The following SRBD1 variants were observed in gnomAD, a reference collection of about 807,000 sequenced individuals.
SRBD1 encodes the protein S1 RNA-binding domain-containing protein 1.
In SRBD1, 88 loss-of-function variants were observed where a neutral mutation model predicts 115.3. That is an observed-to-expected ratio of 0.76 (90% CI 0.64 to 0.91). The LOEUF is 0.91. SRBD1 is among the 40% of genes least tolerant of loss of function. The pLI, the probability that SRBD1 is intolerant of heterozygous loss-of-function variation, is 0.00. For missense variants in SRBD1, 1,385 were observed against 1,177.4 expected, an observed-to-expected ratio of 1.18 and a Z score of -2.58; for synonymous variants, 509 against 407.7, an observed-to-expected ratio of 1.25 and a Z score of -2.99.
intron 20 of SRBD1, among the ~76,000 whole-genome samples, chr2:45,391,553 G>GA (rs1227337175): frequency 1.3e-5 from 2 of 152,136 alleles, no homozygotes; most frequent in Non-Finnish European, 1.5e-5. Context: ...GTAGTAAGAT[G>GA]AAAGTTCTCA....
intron 14 of SRBD1, among the ~76,000 whole-genome samples, chr2:45,490,810 C>A (rs2103861628): frequency 6.6e-6 from 1 of 152,174 alleles, no homozygotes; most frequent in African/African-American, 2.4e-5. Context: ...TTCTTTTAAA[C>A]AGAGGAATAC....
At chr2:45,421,015 T>A (rs926210575) in intron 16 of SRBD1, among the ~76,000 whole-genome samples, 2 of 152,164 alleles carry the variant, frequency 1.3e-5, no homozygotes, top group Non-Finnish European at 2.9e-5. Context: ...GTGACAAAAC[T>A]CCTTTTCTGA....
intron 16 of SRBD1, among the ~76,000 whole-genome samples, chr2:45,449,294 A>T (rs1422678850): frequency 6.6e-6 from 1 of 152,178 alleles, no homozygotes; most frequent in Non-Finnish European, 1.5e-5. Context: ...GAAACAGTTA[A>T]ATCAGTTTAC....
chr2:45,578,313 T>A (rs3770301), intron 7 of SRBD1, among the ~76,000 whole-genome samples: 24,360 of 152,222 alleles, frequency 0.16, 2,937 homozygotes, highest in African/African-American at 0.34. Context: ...TTAGCTATTA[T>A]TAAAATATTA....
chr2:45,419,778 T>C lies in SRBD1; in HGVS notation c.2156+10A>G. ...AGATTCTGTGATCTTCAGCCACATA[T>C]TTGTCTCACCTTAACAAAACTTCTG... On this transcript the variant is annotated intron_variant, in intron 17 of 20. Transcript: ENST00000263736. The C allele has an allele frequency of 6.2e-7, 1 of 1,612,150 alleles. No homozygotes were observed. Among genetic ancestry groups the C allele is most frequent in the Non-Finnish European group, 8.5e-7 (1 of 1,178,508 alleles).
chr2:45,565,864 G>A (rs1361285964), intron 9 of SRBD1, among the ~76,000 whole-genome samples: 1 of 152,176 alleles, frequency 6.6e-6, no homozygotes, highest in Non-Finnish European at 1.5e-5. Context: ...GACCTCAGGC[G>A]ATCCGCCTGC....
In SRBD1 at chr2:45,465,911, G is replaced by A. The variant is rs1572671308; in HGVS notation, c.2049+11082C>T. Among the ~76,000 whole-genome samples the A allele has an allele frequency of 3.3e-5, 5 of 152,170 alleles. No individual in the cohort carries two copies. The South Asian group carries it at 1.0e-3, about 32-fold the overall frequency. ...TCCCACTTCAACAAAAATTTGGAGA[G>A]GCTGCAAAATTTTATGGTGTGTTTA... is the stretch of plus-strand genomic sequence containing the variant. On this transcript the variant is annotated intron_variant, in intron 16 of 20. Coordinates refer to ENST00000263736, the MANE Select transcript of SRBD1 (RefSeq NM_018079.5).
At chr2:45,490,867 A>G (rs1670270847) in intron 14 of SRBD1, among the ~76,000 whole-genome samples, 1 of 152,206 alleles carries the variant, frequency 6.6e-6, no homozygotes, top group South Asian at 2.1e-4. Context: ...ATTAACATTA[A>G]TATTAAATCA....
intron 16 of SRBD1, among the ~76,000 whole-genome samples, chr2:45,473,307 T>C (rs781766033): frequency 5.3e-5 from 8 of 152,202 alleles, no homozygotes; most frequent in Non-Finnish European, 8.8e-5. Context: ...CTTTTTATCA[T>C]TTCTTTTTCT....
At position 45,429,307 on chromosome 2, in the gene SRBD1, T is replaced by A. The variant is rs139145433; in HGVS notation, c.2050-9413A>T. ...CCTAACTCATTTAATGAGGCCAGCA[T>A]CATCCTGATACCAAAACCTGGCAGA... On this transcript the variant is annotated intron_variant, in intron 16 of 20. Transcript: ENST00000263736. Among the ~76,000 whole-genome samples the A allele has an allele frequency of 4.8e-3, 724 of 152,176 alleles. 8 individuals are homozygous for A. Among genetic ancestry groups the A allele is most frequent in the African/African-American group, 0.017 (688 of 41,520 alleles).
intron 15 of SRBD1, among the ~76,000 whole-genome samples, chr2:45,477,966 C>CTT (rs61688104): frequency 0.64 from 94,847 of 148,002 alleles, 31,711 homozygotes; most frequent in Non-Finnish European, 0.76. Context: ...ATTTATTGTC[C>CTT]TTTTTTTTTT....
intron 14 of SRBD1, among the ~76,000 whole-genome samples, chr2:45,533,142 G>A (rs1438228754): frequency 6.6e-6 from 1 of 152,038 alleles, no homozygotes; most frequent in Non-Finnish European, 1.5e-5. Flanking sequence ...ATAGGCCAAA[G>A]AGTCAACAAT....
At chr2:45,456,391 C>G (rs545070192) in intron 16 of SRBD1, among the ~76,000 whole-genome samples, 49 of 151,966 alleles carry the variant, frequency 3.2e-4, no homozygotes, top group African/African-American at 1.1e-3. Context: ...AGTAAGTTAA[C>G]CCTTTTGTTT....
At chr2:45,404,100 G>GAGAAAGATCTCAT (rs1667362643) in intron 19 of SRBD1, among the ~76,000 whole-genome samples, 1 of 152,118 alleles carries the variant, frequency 6.6e-6, no homozygotes, top group Non-Finnish European at 1.5e-5. Context: ...AAGCATAAAG[G>GAGAAAGATCTCAT]TTGTTCAAGG....
intron 9 of SRBD1, among the ~76,000 whole-genome samples, chr2:45,571,241 T>G (rs1292221459): frequency 6.6e-6 from 1 of 152,084 alleles, no homozygotes; most frequent in African/African-American, 2.4e-5. Flanking sequence ...AGTTTGGGTT[T>G]TTTTCTTTTA....
rs899441924 is a variant in SRBD1, at chr2:45,529,632, C to G, written c.1874+17100G>C. Among the ~76,000 whole-genome samples, 8 of 151,878 alleles carry G rather than the reference C, an allele frequency of 5.3e-5. No homozygotes were observed. The East Asian group carries it at 1.5e-3, about 29-fold the overall frequency. ...CACCAAAGTCTAAACCATCTAAAAGCAGTATTTCCTATTTACAACCAGATA... is the reference window on the plus strand; with the variant it reads ...CACCAAAGTCTAAACCATCTAAAAGGAGTATTTCCTATTTACAACCAGATA... On this transcript the variant is annotated intron_variant, in intron 14 of 20. Transcript: ENST00000263736.
At chr2:45,407,300 T>C (rs1667465084) in intron 19 of SRBD1, among the ~76,000 whole-genome samples, 2 of 152,210 alleles carry the variant, frequency 1.3e-5, no homozygotes, top group Admixed American at 1.3e-4. Context: ...TATATTTTTC[T>C]GTCTCCAATT....
intron 16 of SRBD1, among the ~76,000 whole-genome samples, chr2:45,454,980 G>C (rs1413351725): frequency 1.3e-5 from 2 of 151,418 alleles, no homozygotes; most frequent in South Asian, 2.1e-4. Flanking sequence ...TGCCAGTTTT[G>C]GGTAAATATT....
intron 14 of SRBD1, among the ~76,000 whole-genome samples, chr2:45,543,795 C>T (rs1472475533): frequency 6.6e-6 from 1 of 152,080 alleles, no homozygotes; most frequent in Non-Finnish European, 1.5e-5. Flanking sequence ...AAGACTAATA[C>T]AGTGTAAGTA....
Sources: allele counts gnomAD v4.1 joint callset (sites outside exome capture counted in the v4.1 genomes callset), GRCh38; gene constraint gnomAD v4.1.1; transcripts MANE v1.5; gene names NCBI Gene and HGNC (gene_info 2026-07-23, HGNC 2026-07-21).